Variants in MICAL1 observed in about 807,000 individuals in gnomAD.
MICAL1 encodes [F-actin]-monooxygenase MICAL1.
In MICAL1, 95 loss-of-function variants were observed where a neutral mutation model predicts 131.8. That is an observed-to-expected ratio of 0.72 (90% CI 0.61 to 0.86). The LOEUF is 0.86. Among genes scored for constraint, MICAL1 ranks in the 40% least tolerant of loss-of-function variants. MICAL1 has a pLI of 0.00. For synonymous variants in MICAL1, 546 were observed against 554.2 expected (o/e 0.99, Z 0.21); for missense variants, 1,292 against 1,380.6 (o/e 0.94, Z 1.02).
chr6:109,447,131 G>T lies in MICAL1; in HGVS notation c.2169C>A (p.Arg723=), dbSNP rs200912478. 4 of 1,614,062 alleles carry T rather than the reference G, an allele frequency of 2.5e-6. No homozygotes were observed. Among genetic ancestry groups the T allele is most frequent in the Non-Finnish European group, 3.4e-6 (4 of 1,180,042 alleles). Reference sequence around the variant, plus strand: ...ACAGTGTGGCCTCACAGGTATGGCAGCGGAAGCAGCTCCGGTGGAAGAAAT... The same window carrying T: ...ACAGTGTGGCCTCACAGGTATGGCATCGGAAGCAGCTCCGGTGGAAGAAAT... ...NGHFFHRSCF[R]CHTCEATLWP... Residue 723 remains arginine, a synonymous_variant, in exon 17 of 25, where the codon CGC becomes CGA. Coordinates refer to ENST00000358807, the MANE Select transcript of MICAL1 (RefSeq NM_022765.4).
At chr6:109,450,637 A>G in intron 7 of MICAL1, 80 bp from the exon 8 acceptor site, 1 of 1,474,454 alleles carries the variant, frequency 6.8e-7, no homozygotes, top group Non-Finnish European at 9.1e-7. Context: ...TGGGCGCAGA[A>G]GGTGCACATC....
rs760656869 is a variant in MICAL1 at position 109,453,793 on chromosome 6, G to A, written c.311C>T (p.Ala104Val). The A allele has an allele frequency of 2.0e-5, 33 of 1,613,660 alleles. No individual in the cohort carries two copies. The highest frequency in any genetic ancestry group is 2.2e-5 in the East Asian group (1 of 44,880). Residue 104 changes from alanine (A) to valine (V), a missense_variant, in exon 3 of 25, where the codon GCG becomes GTG. By Grantham distance (64) the Ala-to-Val change is moderately conservative. Transcript: ENST00000358807. ...PCGLRVAVELALLGARVVLVE... is the reference protein window; with the variant it reads ...PCGLRVAVELVLLGARVVLVE... ...CAGCACCACTCGGGCCCCCAGCAGC[G>A]CCAGCTCCACAGCGACCCGCAGCCC...
chr6:109,448,273 ACTCCCTG>A lies in MICAL1; in HGVS notation c.1778_1784del (p.Ala593ValfsTer88), dbSNP rs1031406309. 1 of 1,613,460 alleles carries A rather than the reference ACTCCCTG, an allele frequency of 6.2e-7. No homozygotes were observed. The highest frequency in any genetic ancestry group is 8.5e-7 in the Non-Finnish European group (1 of 1,179,954). The stretch of plus-strand genomic sequence containing the variant: ...GGTAGGCAATGAGGCCCAGTGGGTC[ACTCCCTG>A]CTACCACGGCCTGTGCAGACACCAC... On this transcript the variant is annotated frameshift_variant, in exon 13 of 25. Coordinates refer to ENST00000358807, the MANE Select transcript of MICAL1 (RefSeq NM_022765.4). LOFTEE classifies it high-confidence loss of function.
chr6:109,450,676 C>T (rs574387738), intron 7 of MICAL1, 119 bp from the exon 8 acceptor site: 1 of 1,117,572 alleles, frequency 8.9e-7, no homozygotes, highest in South Asian at 1.6e-5. Flanking sequence ...AGGGGCTGCC[C>T]TAGACTACAC....
chr6:109,454,064 G>A lies in MICAL1; in HGVS notation c.133C>T (p.Leu45=), dbSNP rs1451565670. ...TCCTTGATCTTGTGGTACTGGGGCA[G>A]CCCCCCACCGGGTTCCAGCCCCAGG... The part of the protein sequence containing the change: ...GALGLEPGGG[L]PQYHKIKDQL... The change falls in exon 2 of 25, where the codon CTG becomes TTG. Residue 45 remains leucine, a synonymous_variant. Coordinates refer to ENST00000358807, the MANE Select transcript of MICAL1 (RefSeq NM_022765.4). 1 of 1,614,068 alleles carries A rather than the reference G, an allele frequency of 6.2e-7. No individual in the cohort carries two copies. The highest frequency in any genetic ancestry group is 2.2e-5 in the East Asian group (1 of 44,878).
rs1011609506 is a variant in MICAL1 at position 109,452,620 on chromosome 6, G to A, written c.572-5C>T. ...GCTGGGCACGCCAGCCACTCCCTAG[G>A]GCAGGGGGTATGAGAGGCACAAAGG... On this transcript the variant is annotated splice_polypyrimidine_tract_variant and splice_region_variant and intron_variant, in intron 4 of 24. Transcript: ENST00000358807. The A allele has an allele frequency of 5.0e-6, 8 of 1,610,890 alleles. No individual in the cohort carries two copies. The highest frequency in any genetic ancestry group is 5.9e-6 in the Non-Finnish European group (7 of 1,178,734).
chr6:109,450,510 G>A lies in MICAL1; in HGVS notation c.981C>T (p.Pro327=), dbSNP rs996996760. Residue 327 remains proline (P), a synonymous_variant, in exon 8 of 25, where the codon CCC becomes CCT. Coordinates refer to ENST00000358807, the MANE Select transcript of MICAL1 (RefSeq NM_022765.4). ...CCCGGGTAAAGCGCTGCAGAGCCTCGGGCACCACATTGGCACTGCCCAGCA... is the reference window on the plus strand; with the variant it reads ...CCCGGGTAAAGCGCTGCAGAGCCTCAGGCACCACATTGGCACTGCCCAGCA... ...NRLLGSANVV[P]EALQRFTRAA... 22 of 1,612,728 alleles carry A rather than the reference G, an allele frequency of 1.4e-5. No individual in the cohort carries two copies. The highest frequency in any genetic ancestry group is 8.3e-5 in the Admixed American group (5 of 60,000).
Position 109,444,719 on chromosome 6 carries a change from A to G in MICAL1, c.3055+6T>C, listed in dbSNP as rs1446507824. ...ATGTGTCTGCTTCTCCCCACATTTC[A>G]CCTACCTTCCCGGTTCATGTAGCCT... On this transcript the variant is annotated splice_donor_region_variant and intron_variant, in intron 24 of 24. Coordinates refer to ENST00000358807, the MANE Select transcript of MICAL1 (RefSeq NM_022765.4). 8 of 1,613,688 alleles carry G rather than the reference A, an allele frequency of 5.0e-6. No individual in the cohort carries two copies. The highest frequency in any genetic ancestry group is 6.8e-6 in the Non-Finnish European group (8 of 1,179,954).
intron 11 of MICAL1, 199 bp from the exon 12 acceptor site, chr6:109,449,078 A>C (rs1775387246): frequency 4.0e-6 from 3 of 752,188 alleles, no homozygotes; most frequent in Non-Finnish European, 6.3e-6. Context: ...GGAATAAAGT[A>C]GAGGAGTGAA....
At chr6:109,458,865 T>G (rs553684138), upstream of MICAL1, among the ~76,000 whole-genome samples, 26 of 152,346 alleles carry the variant, frequency 1.7e-4, no homozygotes, top group African/African-American at 6.0e-4. Context: ...CGGGAAGCTG[T>G]GGCTGCAGTA....
At chr6:109,461,600 A>C (rs1201299609) in intron 1 of MICAL1, among the ~76,000 whole-genome samples, 4 of 152,146 alleles carry the variant, frequency 2.6e-5, no homozygotes, top group Admixed American at 6.5e-5. Context: ...AAAGTATGCT[A>C]TAATTCCAGA....
At position 109,445,390 on chromosome 6, in the gene MICAL1, G is replaced by A. The variant is rs372715655; in HGVS notation, c.2787+26C>T. ...CAGTCTCAGAACTTTGACCCCATCA[G>A]AATTTTGGGAACCCCCGGGCTTCAC... is the stretch of plus-strand genomic sequence containing the variant. On this transcript the variant is annotated intron_variant, in intron 21 of 24. Coordinates refer to ENST00000358807, the MANE Select transcript of MICAL1 (RefSeq NM_022765.4). The A allele has an allele frequency of 1.5e-4, 236 of 1,613,582 alleles. No homozygotes were observed. In the Middle Eastern group the frequency reaches 6.1e-3, roughly 42 times the overall value.
At chr6:109,452,073 G>C in intron 6 of MICAL1, 173 bp downstream of exon 6, 3 of 1,425,826 alleles carry the variant, frequency 2.1e-6, no homozygotes, top group African/African-American at 1.4e-5. Flanking sequence ...TGATCAACTA[G>C]GGCTGTGCTT....
At chr6:109,460,919 AC>A (rs1775871639) in intron 1 of MICAL1, among the ~76,000 whole-genome samples, 1 of 152,194 alleles carries the variant, frequency 6.6e-6, no homozygotes, top group Non-Finnish European at 1.5e-5. Flanking sequence ...AGACATTTTC[AC>A]CTTACCAGTA....
chr6:109,458,130 A>T (rs1775802421), upstream of MICAL1, among the ~76,000 whole-genome samples: 1 of 152,112 alleles, frequency 6.6e-6, no homozygotes, highest in Non-Finnish European at 1.5e-5. Flanking sequence ...CAAGAAAAAA[A>T]AAAAAAACTC....
In MICAL1 at chr6:109,448,879, C is replaced by T. The variant is rs769430523; in HGVS notation, c.1517G>A (p.Gly506Glu). The T allele has an allele frequency of 4.3e-6, 7 of 1,613,188 alleles. No individual in the cohort carries two copies. The highest frequency in any genetic ancestry group is 5.1e-6 in the Non-Finnish European group (6 of 1,179,906). ...DKTDTGMPAT[G>E]SAGTQEELLR... ...CAGCTCCTCCTGGGTGCCTGCCGAC[C>T]CTGGGAAAGAAGGCTGTGCTGTGCC... The change falls in exon 12 of 25, where the codon GGG becomes GAG. Residue 506 changes from glycine to glutamate, a missense_variant and splice_region_variant. Coordinates refer to ENST00000358807, the MANE Select transcript of MICAL1 (RefSeq NM_022765.4).
intron 4 of MICAL1, among the ~76,000 whole-genome samples, 155 bp downstream of exon 4, chr6:109,453,108 C>T (rs375444338): frequency 5.9e-5 from 9 of 152,260 alleles, no homozygotes; most frequent in East Asian, 5.8e-4. Flanking sequence ...TGCAGTGAGC[C>T]GAGATCATGC....
chr6:109,464,145 CAG>C (rs896353108), intron 1 of MICAL1: 2 of 152,106 alleles, frequency 1.3e-5, no homozygotes, highest in African/African-American at 4.8e-5. Flanking sequence ...TAGGGCTTAA[CAG>C]TGTTTGTAAA....
intron 1 of MICAL1, among the ~76,000 whole-genome samples, chr6:109,461,555 T>C (rs943902101): frequency 6.6e-6 from 1 of 152,080 alleles, no homozygotes; most frequent in South Asian, 2.1e-4. Flanking sequence ...GCCTGGGCAA[T>C]ATAGTGAGAC....
Sources: allele counts gnomAD v4.1 joint callset (sites outside exome capture counted in the v4.1 genomes callset), GRCh38; gene constraint gnomAD v4.1.1; transcripts MANE v1.5; gene names NCBI Gene and HGNC (gene_info 2026-07-23, HGNC 2026-07-21).